The following LRRTM4 variants were observed in gnomAD, a reference collection of about 807,000 sequenced individuals.
The protein encoded by LRRTM4 is leucine-rich repeat transmembrane neuronal protein 4.
LRRTM4 carries 25 observed loss-of-function variants against 47.6 expected under a neutral mutation model. The ratio of observed to expected loss-of-function variants is 0.53; its 90% CI spans 0.38 to 0.73. The LOEUF is 0.73. LRRTM4 is among the 30% of genes least tolerant of loss of function. The pLI, the probability that LRRTM4 is intolerant of heterozygous loss-of-function variation, is 0.00. For synonymous variants in LRRTM4, 311 were observed against 269.5 expected (o/e 1.15, Z -1.51); for missense variants, 638 against 713.4 (o/e 0.89, Z 1.20).
chr2:76,824,111 A>T (rs546170960), intron 3 of LRRTM4, among the ~76,000 whole-genome samples: 13 of 151,640 alleles, frequency 8.6e-5, no homozygotes, highest in African/African-American at 2.9e-4. Context: ...TAGATATCTC[A>T]TAGTAACATA....
intron 3 of LRRTM4, among the ~76,000 whole-genome samples, chr2:77,206,269 C>T (rs1674124091): frequency 6.6e-6 from 1 of 151,308 alleles, no homozygotes; most frequent in Non-Finnish European, 1.5e-5. Flanking sequence ...ACCTCTGCGT[C>T]CTGGGTTCAA....
intron 3 of LRRTM4, among the ~76,000 whole-genome samples, chr2:77,088,403 C>T (rs1680799089): frequency 6.6e-6 from 1 of 152,146 alleles, no homozygotes; most frequent in South Asian, 2.1e-4. Context: ...TAAGTGATGA[C>T]ATTACCTTGT....
intron 3 of LRRTM4, among the ~76,000 whole-genome samples, chr2:77,460,650 A>G (rs916986715): frequency 6.6e-6 from 1 of 152,160 alleles, no homozygotes; most frequent in African/African-American, 2.4e-5. Flanking sequence ...TTTTTTTGAA[A>G]TGGTGCATTC....
At chr2:77,006,236 A>G (rs951369042) in intron 3 of LRRTM4, among the ~76,000 whole-genome samples, 25 of 152,300 alleles carry the variant, frequency 1.6e-4, no homozygotes, top group Admixed American at 1.0e-3. Context: ...AGAATGGGCT[A>G]GGATCCATTC....
intron 3 of LRRTM4, among the ~76,000 whole-genome samples, chr2:77,048,116 C>A (rs191275011): frequency 2.6e-4 from 39 of 151,926 alleles, no homozygotes; most frequent in African/African-American, 9.4e-4. Flanking sequence ...AAGTCAAATG[C>A]AGACAATGGA....
At chr2:77,405,501 T>C (rs1207555570) in intron 3 of LRRTM4, among the ~76,000 whole-genome samples, 1 of 152,138 alleles carries the variant, frequency 6.6e-6, no homozygotes, top group Non-Finnish European at 1.5e-5. Context: ...AGCTTCTTTC[T>C]TTTTCTAAGC....
At chr2:77,375,601 T>C (rs1183063019) in intron 3 of LRRTM4, among the ~76,000 whole-genome samples, 1 of 151,774 alleles carries the variant, frequency 6.6e-6, no homozygotes, top group South Asian at 2.1e-4. Flanking sequence ...ATTTCCTTTT[T>C]TCCCCAGCCC....
At chr2:76,766,206 G>A (rs1673449309) in intron 3 of LRRTM4, among the ~76,000 whole-genome samples, 1 of 152,144 alleles carries the variant, frequency 6.6e-6, no homozygotes, top group Non-Finnish European at 1.5e-5. Flanking sequence ...ACATTTAAAT[G>A]AGGCTGGAAC....
intron 3 of LRRTM4, among the ~76,000 whole-genome samples, chr2:76,899,159 A>T (rs1229576067): frequency 6.6e-6 from 1 of 152,068 alleles, no homozygotes. Flanking sequence ...ATATATGAGT[A>T]TGCATATACC....
chr2:77,401,138 A>G (rs1673935750), intron 3 of LRRTM4, among the ~76,000 whole-genome samples: 1 of 151,922 alleles, frequency 6.6e-6, no homozygotes, highest in African/African-American at 2.4e-5. Flanking sequence ...AGAGTTCTCA[A>G]AGTGTGGTTG....
At chr2:77,051,358 G>A (rs1679425646) in intron 3 of LRRTM4, among the ~76,000 whole-genome samples, 1 of 152,090 alleles carries the variant, frequency 6.6e-6, no homozygotes, top group Non-Finnish European at 1.5e-5. Flanking sequence ...ATCTGTTTAG[G>A]GAGAGGCCAA....
chr2:77,289,118 A>G, intron 3 of LRRTM4, among the ~76,000 whole-genome samples: 1 of 152,056 alleles, frequency 6.6e-6, no homozygotes, highest in East Asian at 1.9e-4. Context: ...AAGATACCAT[A>G]TGCATGAATT....
At chr2:77,034,017 C>A (rs1678752926) in intron 3 of LRRTM4, among the ~76,000 whole-genome samples, 1 of 151,342 alleles carries the variant, frequency 6.6e-6, no homozygotes, top group Non-Finnish European at 1.5e-5. Flanking sequence ...CTTAGTATAC[C>A]TTTATTATTG....
chr2:76,862,243 G>C (rs546308413), intron 3 of LRRTM4, among the ~76,000 whole-genome samples: 30 of 152,092 alleles, frequency 2.0e-4, no homozygotes, highest in Non-Finnish European at 3.7e-4. Flanking sequence ...CCTGCTGGTA[G>C]TGGTTGTTGG....
At chr2:77,332,075 C>A (rs1159696261) in intron 3 of LRRTM4, among the ~76,000 whole-genome samples, 2 of 152,156 alleles carry the variant, frequency 1.3e-5, no homozygotes, top group Admixed American at 6.5e-5. Flanking sequence ...GAAGAACTTT[C>A]ATCCCCAGTT....
chr2:76,814,519 A>G (rs1670841750), intron 3 of LRRTM4, among the ~76,000 whole-genome samples: 2 of 151,600 alleles, frequency 1.3e-5, no homozygotes, highest in Admixed American at 6.6e-5. Context: ...AAAATAAATT[A>G]ATTAAAAGAC....
At chr2:76,838,800 G>A (rs916875482) in intron 3 of LRRTM4, among the ~76,000 whole-genome samples, 3 of 151,952 alleles carry the variant, frequency 2.0e-5, no homozygotes, top group Non-Finnish European at 4.4e-5. Flanking sequence ...GCTCATGGAT[G>A]GACTCAAAGA....
intron 3 of LRRTM4, among the ~76,000 whole-genome samples, chr2:76,916,329 C>T (rs1177809453): frequency 1.5e-5 from 2 of 133,012 alleles, no homozygotes. Context: ...AGCTTGCAGT[C>T]AGCAGCGATC....
intron 3 of LRRTM4, among the ~76,000 whole-genome samples, chr2:76,877,684 T>C (rs1189626484): frequency 6.6e-6 from 1 of 152,166 alleles, no homozygotes; most frequent in Non-Finnish European, 1.5e-5. Context: ...ATAAAAACTT[T>C]ATCAGTGACA....
Sources: gnomAD v4.1 joint callset for allele counts (sites outside exome capture counted in the v4.1 genomes callset) on GRCh38, gnomAD v4.1.1 for gene constraint, MANE v1.5 for transcripts, NCBI Gene and HGNC (gene_info 2026-07-23, HGNC 2026-07-21) for gene names.